Variants in NUS1 observed in about 807,000 individuals in gnomAD.
NUS1 encodes the protein dehydrodolichyl diphosphate synthase complex subunit NUS1.
For synonymous variants in NUS1, 135 were observed against 155.2 expected, an observed-to-expected ratio of 0.87 and a Z score of 0.97; for missense variants, 292 against 382.9, an observed-to-expected ratio of 0.76 and a Z score of 1.98.
chr6:117,685,953 C>T (rs1773131666), intron 1 of NUS1, among the ~76,000 whole-genome samples: 1 of 122,162 alleles, frequency 8.2e-6, no homozygotes, highest in South Asian at 2.8e-4. Context: ...GAGAGTGATA[C>T]TCCGTCTCAT....
At chr6:117,679,543 C>T (rs1773031341) in intron 1 of NUS1, among the ~76,000 whole-genome samples, 1 of 152,180 alleles carries the variant, frequency 6.6e-6, no homozygotes, top group African/African-American at 2.4e-5. Context: ...TTCAGTTGGG[C>T]AGTTTTTCCT....
At chr6:117,682,674 A>G (rs1773079585) in intron 1 of NUS1, among the ~76,000 whole-genome samples, 1 of 152,272 alleles carries the variant, frequency 6.6e-6, no homozygotes, top group Non-Finnish European at 1.5e-5. Flanking sequence ...ACTGGATACT[A>G]TAGAAAAGTG....
At chr6:117,695,425 T>C (rs1422331106) in intron 3 of NUS1, among the ~76,000 whole-genome samples, 1 of 152,066 alleles carries the variant, frequency 6.6e-6, no homozygotes, top group East Asian at 1.9e-4. Context: ...AGTAGACCAT[T>C]ATGGGGCCTC....
intron 1 of NUS1, among the ~76,000 whole-genome samples, chr6:117,688,115 C>T (rs1773166058): frequency 6.6e-6 from 1 of 152,154 alleles, no homozygotes; most frequent in Admixed American, 6.5e-5. Context: ...CCCAGCTACT[C>T]AGGAGGCTGA....
chr6:117,685,343 G>A (rs1373501188), intron 1 of NUS1, among the ~76,000 whole-genome samples: 1 of 150,720 alleles, frequency 6.6e-6, no homozygotes, highest in Non-Finnish European at 1.5e-5. Context: ...TCTCGTGTGT[G>A]TTTTGTCATA....
intron 4 of NUS1, among the ~76,000 whole-genome samples, chr6:117,705,846 G>T (rs558207374): frequency 3.0e-4 from 46 of 152,310 alleles, no homozygotes; most frequent in African/African-American, 1.1e-3. Flanking sequence ...TATTTCAGAG[G>T]TGTGAATAAG....
chr6:117,693,998 T>C (rs1021113699), intron 2 of NUS1, 33 bp from the exon 3 acceptor site: 1 of 1,588,454 alleles, frequency 6.3e-7, no homozygotes. Context: ...GAAGAGAGTG[T>C]TTTTAAAATA....
chr6:117,677,920 T>C (rs1386184536), intron 1 of NUS1, among the ~76,000 whole-genome samples: 1 of 152,232 alleles, frequency 6.6e-6, no homozygotes. Context: ...TGGATTGATG[T>C]ACAGCCAGGT....
chr6:117,703,669 C>T lies in NUS1; in HGVS notation c.756C>T (p.Gly252=). Residue 252 remains glycine (G), a synonymous_variant, in exon 4 of 5, where the codon GGC becomes GGT. Coordinates refer to ENST00000368494, the MANE Select transcript of NUS1 (RefSeq NM_138459.5). ...LKFGPVDSTL[G]FLPWHIRLTE... ...TCGGTCCTGTGGACAGCACATTAGG[C>T]TTTCTTCCCTGGCACATCAGATTGA... 1 of 1,613,486 alleles carries T rather than the reference C, an allele frequency of 6.2e-7. No homozygotes were observed. Among genetic ancestry groups the T allele is most frequent in the South Asian group, 1.1e-5 (1 of 91,058 alleles).
intron 1 of NUS1, among the ~76,000 whole-genome samples, chr6:117,690,493 A>C (rs1773199955): frequency 6.6e-6 from 1 of 152,160 alleles, no homozygotes; most frequent in African/African-American, 2.4e-5. Context: ...GCTCTGTGCC[A>C]GGCACTGTGG....
chr6:117,688,709 A>G (rs1773175680), intron 1 of NUS1, among the ~76,000 whole-genome samples: 1 of 152,238 alleles, frequency 6.6e-6, no homozygotes, highest in Non-Finnish European at 1.5e-5. Flanking sequence ...GGATGCCTAC[A>G]GAACTTCAAG....
chr6:117,709,163 T>C lies in NUS1; in HGVS notation c.*2148T>C, dbSNP rs1562184866. 6.6e-6 allele frequency: 1 copy of C among 152,298 alleles called. No individual in the cohort carries two copies. The highest frequency in any genetic ancestry group is 1.5e-5 in the Non-Finnish European group (1 of 67,996). The allele number at this position is 152,298 out of a possible 1,614,324, so 9.4% of individuals were successfully genotyped here. A position where few individuals can be genotyped will look rare whatever the true frequency, so the allele number is the denominator to read the frequency against. ...TCTCCACAACTTGAATGGCATTGGT[T>C]GTTCTGTAATTCCTGCCAAAAGCAT... On this transcript the variant is annotated 3_prime_UTR_variant, in exon 5 of 5. Coordinates refer to ENST00000368494, the MANE Select transcript of NUS1 (RefSeq NM_138459.5).
At chr6:117,695,005 C>T (rs775531906) in intron 3 of NUS1, among the ~76,000 whole-genome samples, 3 of 151,580 alleles carry the variant, frequency 2.0e-5, no homozygotes, top group Admixed American at 6.6e-5. Context: ...GACCAACCTG[C>T]GCAACATAGC....
At position 117,694,089 on chromosome 6, in the gene NUS1, T is replaced by C. The variant is rs781243152; in HGVS notation, c.600T>C (p.Ile200=). The C allele has an allele frequency of 1.2e-6, 2 of 1,612,906 alleles. No individual in the cohort carries two copies. The highest frequency in any genetic ancestry group is 1.7e-6 in the Non-Finnish European group (2 of 1,179,394). ...CTCCGGAAGATGGAAAAGCAGATATTGTAAGAGCTGCTCAGGACTTTTGCC... is the reference window on the plus strand; with the variant it reads ...CTCCGGAAGATGGAAAAGCAGATATCGTAAGAGCTGCTCAGGACTTTTGCC... ...VLSPEDGKAD[I]VRAAQDFCQL... The change falls in exon 3 of 5, where the codon ATT becomes ATC. Residue 200 remains isoleucine (I), a synonymous_variant. Coordinates refer to ENST00000368494, the MANE Select transcript of NUS1 (RefSeq NM_138459.5).
Position 117,708,382 on chromosome 6 carries a change from AT to A in NUS1, c.*1368del, listed in dbSNP as rs1279449947. 3.9e-5 allele frequency: 6 copies of A among 152,536 alleles called. No homozygotes were observed. Among genetic ancestry groups the A allele is most frequent in the Non-Finnish European group, 7.4e-5 (5 of 67,982 alleles). The allele number at this position is 152,536 out of a possible 1,614,324, so 9.4% of individuals were successfully genotyped here. On this transcript the variant is annotated 3_prime_UTR_variant, in exon 5 of 5. Transcript: ENST00000368494. ...CCTTATCAACAAGTGTACAATACTT[AT>A]CTAAAACTATACATTTAGAATGGAG...
rs774118768 is a variant in NUS1, at chr6:117,698,814, G to A, written c.691+4634G>A. The stretch of plus-strand genomic sequence containing the variant: ...AAATTCAACAATATATTAAAAAGAC[G>A]ATGACCAAGTGGGATTTATCCCAGG... On this transcript the variant is annotated intron_variant, in intron 3 of 4. Coordinates refer to ENST00000368494, the MANE Select transcript of NUS1 (RefSeq NM_138459.5). Among the ~76,000 whole-genome samples, 83 of 151,810 alleles carry A rather than the reference G, an allele frequency of 5.5e-4. 1 individual carries two copies. The highest frequency in any genetic ancestry group is 4.5e-3 in the Admixed American group (69 of 15,252).
Position 117,676,101 on chromosome 6 carries a change from G to GT in NUS1, c.415+17dup. 6.4e-7 allele frequency: 1 copy of GT among 1,550,412 alleles called. No individual in the cohort carries two copies. Among genetic ancestry groups the GT allele is most frequent in the Non-Finnish European group, 8.7e-7 (1 of 1,147,036 alleles). The stretch of plus-strand genomic sequence containing the variant: ...GACCACCAAGGTGAGGCCCGGTGCG[G>GT]TGGTGGGGGGTGGCCGAGGCGTCTT... On this transcript the variant is annotated intron_variant, in intron 1 of 4. Transcript: ENST00000368494.
At chr6:117,693,565 G>A (rs527916778) in intron 2 of NUS1, among the ~76,000 whole-genome samples, 2 of 152,264 alleles carry the variant, frequency 1.3e-5, no homozygotes, top group East Asian at 3.9e-4. Context: ...CCCATCAATT[G>A]TAAGATAGCT....
chr6:117,699,458 A>G (rs1022442060), intron 3 of NUS1, among the ~76,000 whole-genome samples: 25 of 152,198 alleles, frequency 1.6e-4, no homozygotes, highest in African/African-American at 7.2e-5. Flanking sequence ...TACAATGAAT[A>G]CTATGAAACA....
Sources: allele counts gnomAD v4.1 joint callset (sites outside exome capture counted in the v4.1 genomes callset), GRCh38; gene constraint gnomAD v4.1.1; transcripts MANE v1.5; gene names NCBI Gene and HGNC (gene_info 2026-07-23, HGNC 2026-07-21).